Variants in GRM8 observed in about 807,000 individuals in gnomAD.
GRM8 encodes metabotropic glutamate receptor 8.
In GRM8, 47 loss-of-function variants were observed where a neutral mutation model predicts 87.2. The observed-to-expected ratio is 0.54, with a 90% CI of 0.43 to 0.69. The LOEUF is 0.69. Ranked by LOEUF, GRM8 falls within the 30% of genes least tolerant of loss-of-function variation. The probability of loss-of-function intolerance (pLI) is 0.00; values close to 1 mark genes in which losing one functional copy is unlikely to be tolerated. For synonymous variants in GRM8, 396 were observed against 404.5 expected (o/e 0.98, Z 0.25); for missense variants, 1,019 against 1,139.2 (o/e 0.89, Z 1.52).
intron 3 of GRM8, among the ~76,000 whole-genome samples, chr7:126,930,923 C>T (rs911511783): frequency 6.6e-6 from 1 of 152,164 alleles, no homozygotes; most frequent in East Asian, 1.9e-4. Flanking sequence ...CCATCTGGCA[C>T]TCACATACCC....
intron 9 of GRM8, among the ~76,000 whole-genome samples, chr7:126,450,802 A>T (rs561008333): frequency 6.6e-6 from 1 of 151,920 alleles, no homozygotes; most frequent in East Asian, 2.0e-4. Context: ...TGAAACCACT[A>T]CCAAGCTCAT....
intron 7 of GRM8, among the ~76,000 whole-genome samples, chr7:126,705,298 T>A (rs12706744): frequency 0.56 from 85,344 of 152,008 alleles, 26,070 homozygotes; most frequent in African/African-American, 0.81. Flanking sequence ...ATGGGCCATC[T>A]TGCCAATCTC....
intron 2 of GRM8, among the ~76,000 whole-genome samples, chr7:127,182,813 A>G (rs1001157662): frequency 2.0e-4 from 30 of 151,964 alleles, no homozygotes; most frequent in African/African-American, 6.7e-4. Context: ...ACCAAACACC[A>G]TATGTTCTAA....
chr7:126,947,719 C>T (rs1471699105), intron 3 of GRM8, among the ~76,000 whole-genome samples: 1 of 152,080 alleles, frequency 6.6e-6, no homozygotes, highest in Non-Finnish European at 1.5e-5. Flanking sequence ...CTTTTCATTC[C>T]ATTTTGGTCT....
At position 126,769,616 on chromosome 7, in the gene GRM8, T is replaced by C. The variant is rs1818603581; in HGVS notation, c.1357+249A>G. Among the ~76,000 whole-genome samples, 3 of 150,778 alleles carry C rather than the reference T, an allele frequency of 2.0e-5. No individual in the cohort carries two copies. The South Asian group carries it at 6.4e-4, about 32-fold the overall frequency. Reference sequence around the variant, plus strand: ...CTAAGTGATCTCTTCAATAGTGATATTTAAGTAAAACATTTTGATTGACAG... The same window carrying C: ...CTAAGTGATCTCTTCAATAGTGATACTTAAGTAAAACATTTTGATTGACAG... On this transcript the variant is annotated intron_variant, in intron 7 of 10. Coordinates refer to ENST00000339582, the MANE Select transcript of GRM8 (RefSeq NM_000845.3).
At chr7:126,440,410 CAAAAAA>C (rs35828454) in intron 10 of GRM8, among the ~76,000 whole-genome samples, 11 of 75,446 alleles carry the variant, frequency 1.5e-4, no homozygotes, top group East Asian at 8.3e-4. Flanking sequence ...GACTCCATCT[CAAAAAA>C]AAAAAAAAAA....
chr7:127,223,184 G>A (rs573550295), intron 2 of GRM8, among the ~76,000 whole-genome samples: 3 of 152,230 alleles, frequency 2.0e-5, no homozygotes, highest in African/African-American at 7.2e-5. Flanking sequence ...AGTGGGTTAA[G>A]GACCTCAGGA....
At chr7:126,562,051 T>C (rs569403188) in intron 8 of GRM8, among the ~76,000 whole-genome samples, 1 of 152,162 alleles carries the variant, frequency 6.6e-6, no homozygotes, top group Non-Finnish European at 1.5e-5. Flanking sequence ...ATAAATAACA[T>C]CTAATTGACA....
rs867287928 is a variant in GRM8, at chr7:126,899,018, A to T, written c.1156+3524T>A. ...TTGTTCAACTCCCACTTACGAGTGTAAAAAAAAAAAAAGAAAGAAAATATG... is the reference window on the plus strand; with the variant it reads ...TTGTTCAACTCCCACTTACGAGTGTTAAAAAAAAAAAAGAAAGAAAATATG... On this transcript the variant is annotated intron_variant, in intron 6 of 10. Coordinates refer to ENST00000339582, the MANE Select transcript of GRM8 (RefSeq NM_000845.3). Among the ~76,000 whole-genome samples, 1,324 of 138,064 alleles carry T rather than the reference A, an allele frequency of 9.6e-3. 18 individuals are homozygous for T. Among genetic ancestry groups the T allele is most frequent in the African/African-American group, 0.027 (955 of 35,246 alleles). 90.6% of individuals were successfully genotyped at this position (138,064 alleles called of 152,430 possible).
intron 6 of GRM8, among the ~76,000 whole-genome samples, chr7:126,892,702 G>A (rs1183593074): frequency 6.6e-6 from 1 of 152,088 alleles, no homozygotes; most frequent in Non-Finnish European, 1.5e-5. Flanking sequence ...GATCCCTGAG[G>A]AATCACCACA....
chr7:126,752,319 CTA>C (rs1816517471), intron 7 of GRM8, among the ~76,000 whole-genome samples: 2 of 152,036 alleles, frequency 1.3e-5, no homozygotes, highest in African/African-American at 4.8e-5. Flanking sequence ...AAAAAAATGA[CTA>C]TGAAAATTAA....
chr7:126,731,505 A>G (rs1224585326), intron 7 of GRM8, among the ~76,000 whole-genome samples: 1 of 152,122 alleles, frequency 6.6e-6, no homozygotes, highest in African/African-American at 2.4e-5. Flanking sequence ...AGTAAACAAA[A>G]GAGAAACAAA....
At chr7:126,637,475 A>AT (rs1317660542) in intron 7 of GRM8, among the ~76,000 whole-genome samples, 18 of 152,262 alleles carry the variant, frequency 1.2e-4, no homozygotes, top group African/African-American at 4.1e-4. Flanking sequence ...TAATTTAAAA[A>AT]AAAGAAGTTA....
chr7:126,970,687 C>T (rs1305577844), intron 3 of GRM8, among the ~76,000 whole-genome samples: 1 of 152,156 alleles, frequency 6.6e-6, no homozygotes, highest in African/African-American at 2.4e-5. Context: ...CAGTTGCATT[C>T]ACAATTTGGC....
At chr7:126,506,769 ACT>A (rs947245439) in intron 9 of GRM8, among the ~76,000 whole-genome samples, 1 of 151,464 alleles carries the variant, frequency 6.6e-6, no homozygotes, top group Middle Eastern at 3.4e-3. Flanking sequence ...ACAGAGTAAG[ACT>A]CTGTCTCAAA....
chr7:126,661,246 T>C (rs1455823279), intron 7 of GRM8, among the ~76,000 whole-genome samples: 1 of 152,208 alleles, frequency 6.6e-6, no homozygotes, highest in Non-Finnish European at 1.5e-5. Context: ...GTGATTATTA[T>C]GCACTGCATG....
rs10226679 is a variant in GRM8 at position 127,167,370 on chromosome 7, T to C, written c.511-60658A>G. 3.0e-3 allele frequency among the ~76,000 whole-genome samples: 453 copies of C among 152,302 alleles called. 4 individuals are homozygous for C. Among genetic ancestry groups the C allele is most frequent in the African/African-American group, 0.01 (426 of 41,564 alleles). Reference sequence around the variant, plus strand: ...TACTGTTGGGTTTTAATAATATATATGCAAACTTTAAATTAGCACGTTTTT... The same window carrying C: ...TACTGTTGGGTTTTAATAATATATACGCAAACTTTAAATTAGCACGTTTTT... On this transcript the variant is annotated intron_variant, in intron 2 of 10. Coordinates refer to ENST00000339582, the MANE Select transcript of GRM8 (RefSeq NM_000845.3).
intron 8 of GRM8, among the ~76,000 whole-genome samples, chr7:126,576,671 C>T (rs1172294360): frequency 6.6e-6 from 1 of 152,196 alleles, no homozygotes; most frequent in Non-Finnish European, 1.5e-5. Context: ...TCAGCCCACA[C>T]TGACTGACTC....
chr7:126,669,023 T>C (rs1030213064), intron 7 of GRM8, among the ~76,000 whole-genome samples: 5 of 152,164 alleles, frequency 3.3e-5, no homozygotes, highest in Non-Finnish European at 7.3e-5. Flanking sequence ...TGCAGAGACA[T>C]GGATGAAGGT....
Sources: allele counts gnomAD v4.1 joint callset (sites outside exome capture counted in the v4.1 genomes callset), GRCh38; gene constraint gnomAD v4.1.1; transcripts MANE v1.5; gene names NCBI Gene and HGNC (gene_info 2026-07-23, HGNC 2026-07-21).